Variants in CRTC3 observed in about 807,000 individuals in gnomAD.
CRTC3 encodes CREB regulated transcription coactivator 3.
A neutral mutation model predicts 74.5 loss-of-function variants in CRTC3; 26 were observed. The ratio of observed to expected loss-of-function variants is 0.35; its 90% CI spans 0.26 to 0.48. The LOEUF is 0.48. Among genes scored for constraint, CRTC3 ranks in the 20% least tolerant of loss-of-function variants. CRTC3 has a pLI of 0.99. For synonymous variants in CRTC3, 377 were observed against 325.8 expected, an observed-to-expected ratio of 1.16 and a Z score of -1.69; for missense variants, 760 against 787.3, an observed-to-expected ratio of 0.97 and a Z score of 0.41.
chr15:90,641,984 G>A lies in CRTC3; in HGVS notation c.1704G>A (p.Leu568=). ...ACCTCAACAGTGCGCTGGCAGGCCTGCCTGAGGTCAGCCTGAACGTGGACA... is the reference window on the plus strand; with the variant it reads ...ACCTCAACAGTGCGCTGGCAGGCCTACCTGAGGTCAGCCTGAACGTGGACA... ...FKDLNSALAG[L]PEVSLNVDTP... Residue 568 remains leucine (L), a synonymous_variant, in exon 15 of 15, where the codon CTG becomes CTA. Coordinates refer to ENST00000268184, the MANE Select transcript of CRTC3 (RefSeq NM_022769.5). 6.2e-7 allele frequency: 1 copy of A among 1,613,828 alleles called. No homozygotes were observed. The highest frequency in any genetic ancestry group is 8.5e-7 in the Non-Finnish European group (1 of 1,179,962).
rs923333904 is a variant in CRTC3 at position 90,645,026 on chromosome 15, C to G, written c.*2886C>G. On this transcript the variant is annotated 3_prime_UTR_variant, in exon 15 of 15. Transcript: ENST00000268184. Reference sequence around the variant, plus strand: ...CTCCTTTGTCCTGTTTCTCCTGTTTCATTTCTCCTCCGCCTGCTGTATATT... The same window carrying G: ...CTCCTTTGTCCTGTTTCTCCTGTTTGATTTCTCCTCCGCCTGCTGTATATT... The G allele has an allele frequency of 4.3e-6, 1 of 231,812 alleles. No individual in the cohort carries two copies. Among genetic ancestry groups the G allele is most frequent in the African/African-American group, 2.2e-5 (1 of 45,230 alleles). The allele number at this position is 231,812 out of a possible 1,614,324, so 14.4% of individuals were successfully genotyped here. A position where few individuals can be genotyped will look rare whatever the true frequency, so the allele number is the denominator to read the frequency against.
chr15:90,603,580 A>G (rs1968141380), intron 4 of CRTC3, among the ~76,000 whole-genome samples: 2 of 152,334 alleles, frequency 1.3e-5, no homozygotes, highest in Middle Eastern at 3.4e-3. Flanking sequence ...TGTACCCAAT[A>G]CAGAGGGTAA....
intron 2 of CRTC3, among the ~76,000 whole-genome samples, chr15:90,576,347 G>T (rs1048631601): frequency 2.6e-5 from 4 of 152,138 alleles, no homozygotes; most frequent in Admixed American, 2.0e-4. Flanking sequence ...AGCACTCAAG[G>T]ATGACCCCAA....
chr15:90,639,941 C>G (rs1182335708), intron 13 of CRTC3, among the ~76,000 whole-genome samples: 1 of 151,824 alleles, frequency 6.6e-6, no homozygotes. Context: ...CCCAGCTACT[C>G]GGGAGGCTGA....
At chr15:90,641,314 C>G in intron 14 of CRTC3, 115 bp downstream of exon 14, 1 of 731,280 alleles carries the variant, frequency 1.4e-6, no homozygotes, top group South Asian at 1.7e-5. Context: ...TTAACGTTCC[C>G]TGGGTCGACT....
In CRTC3 at chr15:90,644,103, A is replaced by T. The variant is rs1006263466; in HGVS notation, c.*1963A>T. On this transcript the variant is annotated 3_prime_UTR_variant, in exon 15 of 15. Transcript: ENST00000268184. ...CATTTGCCCCAAATCTTTGCTGTGG[A>T]ATTGGGAAATCAAACCAGAGTCCTC... 1 of 229,818 alleles carries T rather than the reference A, an allele frequency of 4.4e-6. No individual in the cohort carries two copies. Among genetic ancestry groups the T allele is most frequent in the African/African-American group, 2.2e-5 (1 of 45,136 alleles). 14.2% of individuals were successfully genotyped at this position (229,818 alleles called of 1,614,324 possible). A position where few individuals can be genotyped will look rare whatever the true frequency, so the allele number is the denominator to read the frequency against.
chr15:90,570,574 C>T (rs1262391435), intron 2 of CRTC3, among the ~76,000 whole-genome samples: 1 of 151,984 alleles, frequency 6.6e-6, no homozygotes. Context: ...AATAGTAATT[C>T]TTTAGATGCT....
intron 9 of CRTC3, among the ~76,000 whole-genome samples, chr15:90,622,317 G>A (rs143873790): frequency 2.0e-3 from 307 of 152,254 alleles, no homozygotes; most frequent in African/African-American, 7.2e-3. Context: ...TTGTGTGAAC[G>A]TTACTAATGA....
At chr15:90,624,370 C>T (rs8036822) in intron 9 of CRTC3, among the ~76,000 whole-genome samples, 3,022 of 152,120 alleles carry the variant, frequency 0.02, 117 homozygotes, top group African/African-American at 0.069. Context: ...ATTTCTGAAA[C>T]GCCATTCTCC....
intron 2 of CRTC3, among the ~76,000 whole-genome samples, chr15:90,588,969 A>G (rs1967733185): frequency 6.6e-6 from 1 of 152,256 alleles, no homozygotes; most frequent in Admixed American, 6.5e-5. Context: ...TAACTTGTTA[A>G]TAAGTGGAAC....
chr15:90,568,478 G>A (rs1164774729), intron 2 of CRTC3, among the ~76,000 whole-genome samples: 2 of 152,070 alleles, frequency 1.3e-5, no homozygotes, highest in African/African-American at 4.8e-5. Context: ...AGCCTCCCGA[G>A]TAGCTAGGAT....
chr15:90,598,648 C>T (rs1967991646), intron 3 of CRTC3: 9 of 625,542 alleles, frequency 1.4e-5, no homozygotes, highest in Non-Finnish European at 2.3e-5. Context: ...ATTAAGGGGA[C>T]AGTGATTGGT....
At chr15:90,552,095 TAATTG>T (rs1966860024) in intron 2 of CRTC3, among the ~76,000 whole-genome samples, 1 of 152,228 alleles carries the variant, frequency 6.6e-6, no homozygotes, top group Non-Finnish European at 1.5e-5. Context: ...GATTAATAAA[TAATTG>T]AATTGGCAAA....
chr15:90,608,780 G>A (rs1968291801), intron 6 of CRTC3, among the ~76,000 whole-genome samples: 1 of 152,196 alleles, frequency 6.6e-6, no homozygotes, highest in Admixed American at 6.5e-5. Flanking sequence ...ACATGTGCAC[G>A]GCATTTGCCA....
At chr15:90,618,138 C>T in intron 8 of CRTC3, 170 bp downstream of exon 8, 2 of 432,410 alleles carry the variant, frequency 4.6e-6, no homozygotes, top group Non-Finnish European at 8.4e-6. Flanking sequence ...TAAAAATTAT[C>T]GCGCTTGTGT....
intron 9 of CRTC3, among the ~76,000 whole-genome samples, chr15:90,621,117 C>T (rs1435778071): frequency 3.9e-5 from 6 of 151,990 alleles, no homozygotes; most frequent in African/African-American, 7.3e-5. Context: ...GGGAGTCTCC[C>T]TCAACCTAGT....
At chr15:90,557,403 GA>G (rs1465271262) in intron 2 of CRTC3, among the ~76,000 whole-genome samples, 10 of 152,216 alleles carry the variant, frequency 6.6e-5, no homozygotes, top group African/African-American at 2.4e-4. Flanking sequence ...CTGGTCCCCA[GA>G]ACGTTTCTTG....
At chr15:90,601,338 G>A (rs1005454951) in intron 3 of CRTC3, among the ~76,000 whole-genome samples, 1 of 152,058 alleles carries the variant, frequency 6.6e-6, no homozygotes, top group African/African-American at 2.4e-5. Context: ...CATCTAATGC[G>A]CCTCTTTTTT....
chr15:90,573,504 A>G (rs1283017496), intron 2 of CRTC3, among the ~76,000 whole-genome samples: 1 of 152,054 alleles, frequency 6.6e-6, no homozygotes, highest in Non-Finnish European at 1.5e-5. Context: ...TTCTAATGCT[A>G]TTATTACTTT....
Sources: allele counts gnomAD v4.1 joint callset (sites outside exome capture counted in the v4.1 genomes callset), GRCh38; gene constraint gnomAD v4.1.1; transcripts MANE v1.5; gene names NCBI Gene and HGNC (gene_info 2026-07-23, HGNC 2026-07-21).